The following CORIN variants were observed in gnomAD, a reference collection of about 807,000 sequenced individuals.
CORIN encodes atrial natriuretic peptide-converting enzyme.
Under a neutral mutation model 125.3 loss-of-function variants are expected in CORIN, and 117 were observed. The ratio of observed to expected loss-of-function variants is 0.93; its 90% CI spans 0.80 to 1.09. The LOEUF (loss-of-function observed/expected upper bound fraction) is 1.09, where lower values mean the gene tolerates loss of function less well. CORIN is among the 50% of genes least tolerant of loss of function. CORIN has a pLI of 0.00. For missense variants in CORIN, 1,253 were observed against 1,306.7 expected (o/e 0.96, Z 0.63); for synonymous variants, 450 against 466.4 (o/e 0.96, Z 0.45).
At chr4:47,817,354 A>C (rs1357498724) in intron 1 of CORIN, among the ~76,000 whole-genome samples, 1 of 151,818 alleles carries the variant, frequency 6.6e-6, no homozygotes, top group African/African-American at 2.4e-5. Context: ...GAGTCTTGAG[A>C]GAGTATGGAG....
chr4:47,686,985 G>A (rs1725549145), intron 6 of CORIN, among the ~76,000 whole-genome samples: 1 of 152,118 alleles, frequency 6.6e-6, no homozygotes, highest in Non-Finnish European at 1.5e-5. Flanking sequence ...CTAAAACACT[G>A]CATTGGAGAT....
rs940688289 is a variant in CORIN, at chr4:47,643,134, C to A, written c.2068+12G>T. On this transcript the variant is annotated intron_variant, in intron 15 of 21. Transcript: ENST00000273857. ...GAGAGAGTACAACAGATGGCAGAAACAAGTAGCTCACCACAGTCCCATTCA... is the reference window on the plus strand; with the variant it reads ...GAGAGAGTACAACAGATGGCAGAAAAAAGTAGCTCACCACAGTCCCATTCA... 4.3e-6 allele frequency: 7 copies of A among 1,614,064 alleles called. No individual in the cohort carries two copies. Among genetic ancestry groups the A allele is most frequent in the Non-Finnish European group, 5.9e-6 (7 of 1,179,988 alleles).
intron 10 of CORIN, among the ~76,000 whole-genome samples, chr4:47,673,738 T>C (rs1216956871): frequency 6.6e-6 from 1 of 152,130 alleles, no homozygotes; most frequent in Non-Finnish European, 1.5e-5. Flanking sequence ...TTACAGGTCA[T>C]CAGAGTTCCT....
intron 2 of CORIN, among the ~76,000 whole-genome samples, chr4:47,794,667 G>A (rs1381221895): frequency 6.6e-6 from 1 of 152,100 alleles, no homozygotes; most frequent in Non-Finnish European, 1.5e-5. Context: ...TAACTTGGGT[G>A]AATAAATTGA....
intron 3 of CORIN, among the ~76,000 whole-genome samples, chr4:47,785,243 A>C (rs189861865): frequency 9.8e-5 from 15 of 152,296 alleles, no homozygotes; most frequent in African/African-American, 3.4e-4. Context: ...ATTATTTTTT[A>C]TTAGCATTGG....
chr4:47,817,292 CAA>C (rs1345065777), intron 1 of CORIN, among the ~76,000 whole-genome samples: 1 of 91,706 alleles, frequency 1.1e-5, no homozygotes, highest in Non-Finnish European at 2.0e-5. Context: ...ATATATATAA[CAA>C]AATATATATA....
chr4:47,714,190 C>T lies in CORIN; in HGVS notation c.800-21107G>A, dbSNP rs997402592. ...AAAAGAAATACAGTATTGTGCCTGCCTTTATACTTGGCACATATAGAGCTT... is the reference window on the plus strand; with the variant it reads ...AAAAGAAATACAGTATTGTGCCTGCTTTTATACTTGGCACATATAGAGCTT... On this transcript the variant is annotated intron_variant, in intron 5 of 21. Transcript: ENST00000273857. Among the ~76,000 whole-genome samples, 3 of 152,252 alleles carry T rather than the reference C, an allele frequency of 2.0e-5. No individual in the cohort carries two copies. The East Asian group carries it at 5.8e-4, about 29-fold the overall frequency.
intron 3 of CORIN, among the ~76,000 whole-genome samples, chr4:47,785,614 T>C (rs1577921045): frequency 6.6e-6 from 1 of 152,134 alleles, no homozygotes; most frequent in Non-Finnish European, 1.5e-5. Context: ...CACATGAATG[T>C]CTCAAAAGGA....
chr4:47,703,173 G>A (rs925205010), intron 5 of CORIN, among the ~76,000 whole-genome samples: 3 of 152,096 alleles, frequency 2.0e-5, no homozygotes, highest in African/African-American at 7.2e-5. Flanking sequence ...TCAGCACTCC[G>A]CTGGAGCCCC....
At chr4:47,720,566 C>T (rs1727297258) in intron 5 of CORIN, among the ~76,000 whole-genome samples, 1 of 152,090 alleles carries the variant, frequency 6.6e-6, no homozygotes, top group Non-Finnish European at 1.5e-5. Context: ...ATAGTATTTG[C>T]TTTTATATGC....
At chr4:47,713,891 G>GT (rs1455763386) in intron 5 of CORIN, among the ~76,000 whole-genome samples, 1 of 151,752 alleles carries the variant, frequency 6.6e-6, no homozygotes, top group East Asian at 1.9e-4. Flanking sequence ...AACCACTTTT[G>GT]TTTTTTTGCT....
intron 2 of CORIN, among the ~76,000 whole-genome samples, chr4:47,796,127 A>C (rs1352749790): frequency 1.3e-5 from 2 of 152,068 alleles, no homozygotes; most frequent in East Asian, 3.8e-4. Context: ...ATACATCCAA[A>C]AAATTGAAAT....
At chr4:47,706,630 C>G in intron 5 of CORIN, 8 of 1,606,270 alleles carry the variant, frequency 5.0e-6, no homozygotes, top group Non-Finnish European at 6.8e-6. Flanking sequence ...GCCTGTCCAT[C>G]ATGGTGTTAA....
intron 1 of CORIN, among the ~76,000 whole-genome samples, chr4:47,835,047 C>T (rs1368354599): frequency 6.6e-6 from 1 of 152,182 alleles, no homozygotes; most frequent in Non-Finnish European, 1.5e-5. Flanking sequence ...GCACCTTCTA[C>T]TCTTAAGGGG....
chr4:47,705,669 T>G (rs1028831619), intron 5 of CORIN, among the ~76,000 whole-genome samples: 5 of 152,150 alleles, frequency 3.3e-5, no homozygotes, highest in African/African-American at 1.2e-4. Flanking sequence ...AAAGCCATAG[T>G]CAAAATGAAA....
At chr4:47,633,949 G>A (rs1015938999) in intron 16 of CORIN, among the ~76,000 whole-genome samples, 8 of 151,894 alleles carry the variant, frequency 5.3e-5, no homozygotes, top group African/African-American at 9.7e-5. Context: ...TTTTAAGTCA[G>A]TATATAACTA....
intron 1 of CORIN, among the ~76,000 whole-genome samples, chr4:47,821,264 G>T (rs1263166567): frequency 6.6e-6 from 1 of 151,360 alleles, no homozygotes; most frequent in Non-Finnish European, 1.5e-5. Flanking sequence ...CTTACAAACT[G>T]ACCTCAACCT....
chr4:47,691,791 G>A (rs1725783556), intron 6 of CORIN, among the ~76,000 whole-genome samples: 1 of 151,874 alleles, frequency 6.6e-6, no homozygotes, highest in South Asian at 2.1e-4. Flanking sequence ...ACCAGTTTGG[G>A]AAACACTGAC....
intron 19 of CORIN, among the ~76,000 whole-genome samples, chr4:47,612,852 A>G (rs1212691296): frequency 1.3e-5 from 2 of 152,362 alleles, no homozygotes; most frequent in East Asian, 1.9e-4. Context: ...TCCTGAATGT[A>G]TCCCTCAAAT....
Sources: gnomAD v4.1 joint callset for allele counts (sites outside exome capture counted in the v4.1 genomes callset) on GRCh38, gnomAD v4.1.1 for gene constraint, MANE v1.5 for transcripts, NCBI Gene and HGNC (gene_info 2026-07-23, HGNC 2026-07-21) for gene names.